Variants in CEP63 observed in about 807,000 individuals in gnomAD.
CEP63 encodes centrosomal protein 63, also known as centrosomal protein of 63 kDa.
In CEP63, 84 loss-of-function variants were observed where a neutral mutation model predicts 89.1. The ratio of observed to expected loss-of-function variants is 0.94; its 90% CI spans 0.79 to 1.13. CEP63 has a LOEUF of 1.13. Ranked by LOEUF, CEP63 falls within the 50% of genes most tolerant of loss-of-function variation. The pLI is 0.00. For synonymous variants in CEP63, 267 were observed against 272.5 expected (o/e 0.98, Z 0.20); for missense variants, 838 against 813.3 (o/e 1.03, Z -0.37).
intron 3 of CEP63, among the ~76,000 whole-genome samples, chr3:134,522,943 G>A (rs533584456): frequency 1.3e-5 from 2 of 152,176 alleles, no homozygotes; most frequent in East Asian, 3.9e-4. Flanking sequence ...TGGGTTGAAT[G>A]ATATTTCTGT....
At chr3:134,566,434 A>G (rs144373705), downstream of CEP63, among the ~76,000 whole-genome samples, 284 of 152,316 alleles carry the variant, frequency 1.9e-3, 1 homozygote, top group Middle Eastern at 6.8e-3. Context: ...TGAATCAAAA[A>G]GAGATTAAAA....
the CEP63 span, among the ~76,000 whole-genome samples, chr3:134,702,411 G>C: frequency 6.7e-6 from 1 of 149,406 alleles, no homozygotes; most frequent in East Asian, 1.9e-4. Context: ...AGCCCGAATA[G>C]CCAAGGTAAT....
At chr3:134,601,026 G>GCC in the CEP63 span, 3 of 152,234 alleles carry the variant, frequency 2.0e-5, no homozygotes. Flanking sequence ...ACCTGGGGGC[G>GCC]CCCGTGCCAT....
At chr3:134,592,336 A>G (rs1364479656), downstream of CEP63, among the ~76,000 whole-genome samples, 1 of 152,176 alleles carries the variant, frequency 6.6e-6, no homozygotes, top group Non-Finnish European at 1.5e-5. Context: ...GCGACATTCT[A>G]TTTGTCAGAA....
At chr3:134,548,722 C>T (rs1465659233) in intron 9 of CEP63, among the ~76,000 whole-genome samples, 3 of 152,144 alleles carry the variant, frequency 2.0e-5, no homozygotes, top group African/African-American at 7.2e-5. Context: ...CTTTTATCTA[C>T]ATGTTAAATA....
In CEP63 at chr3:134,508,156, A is replaced by G. The variant is rs1280498578; in HGVS notation, c.222+870A>G. Among the ~76,000 whole-genome samples the G allele has an allele frequency of 4.6e-5, 7 of 152,202 alleles. No individual in the cohort carries two copies. The South Asian group carries it at 1.0e-3, about 22-fold the overall frequency. Reference sequence around the variant, plus strand: ...AAAACTTATTAAGAATAGTTTAGAAATGTTTCTCGTAACAAAGAGTTTGAC... The same window carrying G: ...AAAACTTATTAAGAATAGTTTAGAAGTGTTTCTCGTAACAAAGAGTTTGAC... On this transcript the variant is annotated intron_variant, in intron 3 of 14. Transcript: ENST00000675561.
At chr3:134,558,524 G>A (rs887000614) in intron 13 of CEP63, among the ~76,000 whole-genome samples, 177 bp downstream of exon 13, 6 of 152,094 alleles carry the variant, frequency 3.9e-5, no homozygotes, top group African/African-American at 1.4e-4. Flanking sequence ...GCTGGGGGAG[G>A]TGTATAGCAT....
At chr3:134,590,318 T>C (rs146205351), downstream of CEP63, among the ~76,000 whole-genome samples, 9 of 152,220 alleles carry the variant, frequency 5.9e-5, no homozygotes, top group Middle Eastern at 3.4e-3. Flanking sequence ...CTATAAATGA[T>C]TAGAATTAAT....
intron 2 of CEP63, among the ~76,000 whole-genome samples, chr3:134,496,983 A>G (rs751172317): frequency 1.5e-4 from 23 of 152,134 alleles, no homozygotes; most frequent in Non-Finnish European, 2.5e-4. Flanking sequence ...GGGTGAGATG[A>G]ATCATTGTGG....
chr3:134,571,597 C>T (rs1372887566), intron 11 of CEP63, among the ~76,000 whole-genome samples: 2 of 152,256 alleles, frequency 1.3e-5, no homozygotes, highest in East Asian at 1.9e-4. Flanking sequence ...AGGAGAATGG[C>T]GTGGACCCAG....
At chr3:134,707,740 T>TTTC in the CEP63 span, among the ~76,000 whole-genome samples, 2 of 1,092 alleles carry the variant, frequency 1.8e-3, no homozygotes, top group African/African-American at 0.01. Context: ...GATTCTTTTC[T>TTTC]TTTTTTTTTT....
At chr3:134,526,924 G>T (rs1296722951) in intron 3 of CEP63, among the ~76,000 whole-genome samples, 2 of 150,026 alleles carry the variant, frequency 1.3e-5, no homozygotes, top group African/African-American at 2.5e-5. Context: ...CTCTGGGGGG[G>T]CTCGTATTGG....
At chr3:134,592,470 GT>G (rs1958616886), downstream of CEP63, among the ~76,000 whole-genome samples, 1 of 1,966 alleles carries the variant, frequency 5.1e-4, no homozygotes, top group Non-Finnish European at 1.5e-3. Context: ...CTGCAAACTG[GT>G]GTGTGTGTGT....
chr3:134,508,704 A>G (rs1944097995), intron 3 of CEP63, among the ~76,000 whole-genome samples: 1 of 152,126 alleles, frequency 6.6e-6, no homozygotes, highest in African/African-American at 2.4e-5. Context: ...CTTGACATCA[A>G]AATTTCTCTC....
chr3:134,663,508 C>T, the CEP63 span, among the ~76,000 whole-genome samples: 3 of 152,178 alleles, frequency 2.0e-5, no homozygotes, highest in African/African-American at 7.2e-5. Flanking sequence ...TCATAGAGCT[C>T]TCATTCACGT....
the CEP63 span, among the ~76,000 whole-genome samples, chr3:134,688,954 G>A: frequency 6.6e-6 from 1 of 152,192 alleles, no homozygotes; most frequent in Non-Finnish European, 1.5e-5. Flanking sequence ...CTGGCTTGGA[G>A]ACCCTGGTGA....
chr3:134,673,065 A>C, the CEP63 span, among the ~76,000 whole-genome samples: 2 of 152,190 alleles, frequency 1.3e-5, no homozygotes, highest in Non-Finnish European at 2.9e-5. Flanking sequence ...TGAAAACTCC[A>C]GGATTCAACT....
the CEP63 span, among the ~76,000 whole-genome samples, chr3:134,655,145 T>C: frequency 6.6e-6 from 1 of 152,184 alleles, no homozygotes; most frequent in East Asian, 1.9e-4. Flanking sequence ...TGGGTAGTTA[T>C]AGCTATGGCA....
intron 2 of CEP63, among the ~76,000 whole-genome samples, chr3:134,501,570 A>AT (rs60149545): frequency 0.67 from 101,598 of 151,054 alleles, 34,389 homozygotes; most frequent in East Asian, 0.82. Flanking sequence ...GTATTCTTAG[A>AT]TTTTTTTTTA....
Sources: gnomAD v4.1 joint callset for allele counts (sites outside exome capture counted in the v4.1 genomes callset) on GRCh38, gnomAD v4.1.1 for gene constraint, MANE v1.5 for transcripts, NCBI Gene and HGNC (gene_info 2026-07-23, HGNC 2026-07-21) for gene names.